The following EPHA3 variants were observed in gnomAD, a reference collection of about 807,000 sequenced individuals.
The protein encoded by EPHA3 is EPH receptor A3, also known as ephrin type-A receptor 3.
EPHA3 carries 42 observed loss-of-function variants against 107.1 expected under a neutral mutation model. The ratio of observed to expected loss-of-function variants is 0.39; its 90% CI spans 0.31 to 0.51. EPHA3 has a LOEUF of 0.51. Ranked by LOEUF, EPHA3 falls within the 20% of genes least tolerant of loss-of-function variation. The pLI is 0.78. For missense variants in EPHA3, 1,183 were observed against 1,211.2 expected, an observed-to-expected ratio of 0.98 and a Z score of 0.35; for synonymous variants, 461 against 424.8, an observed-to-expected ratio of 1.09 and a Z score of -1.05.
chr3:89,480,411 C>T lies in EPHA3; in HGVS notation c.*909C>T, dbSNP rs549896230. The stretch of plus-strand genomic sequence containing the variant: ...CCGTTTATTATAAACTGTATGCTCA[C>T]AACTTAGTGTAATATACCAGCTTGT... On this transcript the variant is annotated 3_prime_UTR_variant, in exon 17 of 17. Transcript: ENST00000336596. 28 of 233,180 alleles carry T rather than the reference C, an allele frequency of 1.2e-4. No individual in the cohort carries two copies. The highest frequency in any genetic ancestry group is 2.0e-4 in the Non-Finnish European group (24 of 117,862). The allele number at this position is 233,180 out of a possible 1,614,324, so 14.4% of individuals were successfully genotyped here. A position where few individuals can be genotyped will look rare whatever the true frequency, so the allele number is the denominator to read the frequency against.
At chr3:89,328,237 A>G (rs1320278048) in intron 3 of EPHA3, among the ~76,000 whole-genome samples, 1 of 152,190 alleles carries the variant, frequency 6.6e-6, no homozygotes, top group Non-Finnish European at 1.5e-5. Flanking sequence ...TCTACCCAAT[A>G]AAGTTCCGTG....
At chr3:89,209,548 ATAT>A (rs906524482) in intron 2 of EPHA3, among the ~76,000 whole-genome samples, 1 of 152,156 alleles carries the variant, frequency 6.6e-6, no homozygotes, top group Non-Finnish European at 1.5e-5. Flanking sequence ...TGAGAAAATA[ATAT>A]TATAGTGTCA....
chr3:89,258,102 A>G (rs1265520350), intron 3 of EPHA3, among the ~76,000 whole-genome samples: 1 of 152,220 alleles, frequency 6.6e-6, no homozygotes, highest in East Asian at 1.9e-4. Flanking sequence ...GTACACAATT[A>G]CTTATCTCAT....
intron 5 of EPHA3, among the ~76,000 whole-genome samples, chr3:89,368,436 C>T (rs1194273954): frequency 6.7e-6 from 1 of 150,220 alleles, no homozygotes; most frequent in Non-Finnish European, 1.5e-5. Context: ...CCAGAAAGTT[C>T]CACAATCTGT....
intron 3 of EPHA3, among the ~76,000 whole-genome samples, chr3:89,320,630 G>A (rs543625687): frequency 3.7e-4 from 56 of 151,834 alleles, no homozygotes; most frequent in African/African-American, 1.3e-3. Flanking sequence ...TACATGGCAA[G>A]ATTTTTTAAA....
chr3:89,162,418 C>T (rs917843511), intron 2 of EPHA3, among the ~76,000 whole-genome samples: 1 of 152,176 alleles, frequency 6.6e-6, no homozygotes, highest in South Asian at 2.1e-4. Context: ...AATGCAATGA[C>T]CTAGCAGAAT....
chr3:89,200,762 C>A (rs1049506537), intron 2 of EPHA3, among the ~76,000 whole-genome samples: 1 of 152,186 alleles, frequency 6.6e-6, no homozygotes, highest in South Asian at 2.1e-4. Flanking sequence ...ACATCGTCCC[C>A]ATGGCTGCAT....
intron 3 of EPHA3, among the ~76,000 whole-genome samples, chr3:89,268,525 G>A (rs897051185): frequency 1.5e-4 from 22 of 151,558 alleles, no homozygotes; most frequent in African/African-American, 5.3e-4. Flanking sequence ...TGGTCTATCT[G>A]GTTTTCATGT....
intron 5 of EPHA3, among the ~76,000 whole-genome samples, chr3:89,387,740 G>A (rs941744324): frequency 2.0e-5 from 3 of 151,448 alleles, no homozygotes; most frequent in Non-Finnish European, 4.4e-5. Flanking sequence ...TTGTTAAAAT[G>A]AAATATAAGA....
chr3:89,121,082 C>A (rs1262189222), intron 1 of EPHA3, among the ~76,000 whole-genome samples: 1 of 151,644 alleles, frequency 6.6e-6, no homozygotes, highest in Non-Finnish European at 1.5e-5. Flanking sequence ...TACACAAAAA[C>A]AAAATTAGCC....
At chr3:89,204,926 G>A (rs1485776634) in intron 2 of EPHA3, among the ~76,000 whole-genome samples, 10 of 152,124 alleles carry the variant, frequency 6.6e-5, no homozygotes, top group Non-Finnish European at 1.3e-4. Context: ...AAATTACTGG[G>A]TGCAAGATTA....
intron 2 of EPHA3, among the ~76,000 whole-genome samples, chr3:89,191,312 T>C (rs12485786): frequency 0.37 from 56,090 of 151,412 alleles, 12,268 homozygotes; most frequent in Admixed American, 0.48. Context: ...TTTTTTATTT[T>C]TTTATTTTTT....
chr3:89,151,462 G>A (rs907828266), intron 2 of EPHA3, among the ~76,000 whole-genome samples: 1 of 152,056 alleles, frequency 6.6e-6, no homozygotes, highest in African/African-American at 2.4e-5. Context: ...TTTGGGTAGT[G>A]ACTGGCACTA....
intron 16 of EPHA3, 55 bp downstream of exon 16, chr3:89,472,674 CT>C (rs371736339): frequency 0.24 from 371,707 of 1,550,474 alleles, 48,465 homozygotes; most frequent in African/African-American, 0.36. Context: ...ACTTTCTTGG[CT>C]TGACATGAAA....
At chr3:89,315,131 A>G (rs923730071) in intron 3 of EPHA3, among the ~76,000 whole-genome samples, 2 of 151,880 alleles carry the variant, frequency 1.3e-5, no homozygotes, top group African/African-American at 4.8e-5. Flanking sequence ...GCTGTCCATC[A>G]TTGACTGAAA....
At chr3:89,228,610 A>G (rs1178008136) in intron 3 of EPHA3, among the ~76,000 whole-genome samples, 3 of 151,966 alleles carry the variant, frequency 2.0e-5, no homozygotes, top group Non-Finnish European at 2.9e-5. Flanking sequence ...TTAATTTTAT[A>G]TATACATACT....
intron 3 of EPHA3, among the ~76,000 whole-genome samples, chr3:89,295,919 G>A (rs1278145769): frequency 1.3e-5 from 2 of 152,102 alleles, no homozygotes; most frequent in Non-Finnish European, 2.9e-5. Flanking sequence ...AACATTCATA[G>A]CATGTTCACC....
chr3:89,406,673 C>T (rs1014296366), intron 7 of EPHA3, among the ~76,000 whole-genome samples: 3 of 152,110 alleles, frequency 2.0e-5, no homozygotes, highest in Non-Finnish European at 2.9e-5. Flanking sequence ...ATTCTAAGCT[C>T]GTGAGCTGTA....
chr3:89,445,353 G>A (rs1327717513), intron 13 of EPHA3, among the ~76,000 whole-genome samples: 1 of 152,096 alleles, frequency 6.6e-6, no homozygotes, highest in Non-Finnish European at 1.5e-5. Flanking sequence ...TTTAGACTGA[G>A]TTGTTTGGAT....
Sources: allele counts gnomAD v4.1 joint callset (sites outside exome capture counted in the v4.1 genomes callset), GRCh38; gene constraint gnomAD v4.1.1; transcripts MANE v1.5; gene names NCBI Gene and HGNC (gene_info 2026-07-23, HGNC 2026-07-21).